Variants in ZBTB8B observed in about 807,000 individuals in gnomAD.
ZBTB8B encodes the protein zinc finger and BTB domain containing 8B.
Under a neutral mutation model 30.3 loss-of-function variants are expected in ZBTB8B, and 17 were observed. The observed-to-expected ratio is 0.56, with a 90% CI of 0.38 to 0.84. The LOEUF is 0.84. ZBTB8B is among the 40% of genes least tolerant of loss of function. ZBTB8B has a pLI of 0.00. For missense variants in ZBTB8B, 515 were observed against 644.9 expected, an observed-to-expected ratio of 0.80 and a Z score of 2.18; for synonymous variants, 248 against 255.6, an observed-to-expected ratio of 0.97 and a Z score of 0.28.
intron 2 of ZBTB8B, among the ~76,000 whole-genome samples, chr1:32,474,472 C>G (rs1052280436): frequency 7.5e-5 from 11 of 146,398 alleles, no homozygotes; most frequent in Non-Finnish European, 1.6e-4. Flanking sequence ...CCTGGGAGGT[C>G]GAGGCTGCGG....
In ZBTB8B at chr1:32,470,661, G is replaced by C; in HGVS notation, c.37G>C (p.Glu13Gln). ...MQSYYAKLLG[E>Q]LNEQRKRDFF... ...ATCCTATTATGCCAAGCTTTTGGGGGAGCTGAATGAACAGAGAAAGAGGGA... is the reference window on the plus strand; with the variant it reads ...ATCCTATTATGCCAAGCTTTTGGGGCAGCTGAATGAACAGAGAAAGAGGGA... Residue 13 changes from glutamate (E) to glutamine (Q), a missense_variant, in exon 2 of 4, where the codon GAG becomes CAG. Around this residue, in one of 3 missense-constraint regions of ZBTB8B, gnomAD observed 25 missense variants for 22.9 expected, o/e 1.09. Coordinates refer to ENST00000609129, the MANE Select transcript of ZBTB8B (RefSeq NM_001145720.2). 1 of 1,551,596 alleles carries C rather than the reference G, an allele frequency of 6.4e-7. No individual in the cohort carries two copies. The highest frequency in any genetic ancestry group is 8.7e-7 in the Non-Finnish European group (1 of 1,146,962).
chr1:32,473,671 C>T (rs1232793923), intron 2 of ZBTB8B, among the ~76,000 whole-genome samples: 1 of 151,940 alleles, frequency 6.6e-6, no homozygotes, highest in Non-Finnish European at 1.5e-5. Context: ...CACCACCACA[C>T]CCAGCTAATT....
At chr1:32,480,781 C>G (rs928801171) in intron 2 of ZBTB8B, 110 bp from the exon 3 acceptor site, 7 of 1,081,650 alleles carry the variant, frequency 6.5e-6, no homozygotes, top group East Asian at 2.7e-5. Context: ...GTGTCCTCCT[C>G]TTCTATCTGG....
At chr1:32,466,809 A>G (rs959955771) in intron 1 of ZBTB8B, among the ~76,000 whole-genome samples, 10 of 152,136 alleles carry the variant, frequency 6.6e-5, no homozygotes, top group African/African-American at 1.9e-4. Context: ...ACTACAAGTT[A>G]AGAAGTGTTG....
rs190007725 is a variant in ZBTB8B, at chr1:32,492,102, G to T, written c.*6684G>T. 62 of 152,272 alleles carry T rather than the reference G, an allele frequency of 4.1e-4. No homozygotes were observed. The highest frequency in any genetic ancestry group is 1.4e-3 in the African/African-American group (58 of 41,556). 9.4% of individuals were successfully genotyped at this position (152,272 alleles called of 1,614,324 possible). A position where few individuals can be genotyped will look rare whatever the true frequency, so the allele number is the denominator to read the frequency against. On this transcript the variant is annotated 3_prime_UTR_variant, in exon 4 of 4. Transcript: ENST00000609129. ...AAATTTTGGTAAGGTGTGTGTAAGA[G>T]TTGGCTTAACAGTCAAAATGATCCT...
intron 2 of ZBTB8B, among the ~76,000 whole-genome samples, chr1:32,472,773 C>T (rs1308298714): frequency 3.9e-5 from 6 of 152,302 alleles, no homozygotes; most frequent in African/African-American, 7.2e-5. Context: ...CATACCGCCA[C>T]GCCCAGCTAG....
At chr1:32,471,875 A>T (rs1338484127) in intron 2 of ZBTB8B, among the ~76,000 whole-genome samples, 1 of 151,710 alleles carries the variant, frequency 6.6e-6, no homozygotes, top group Non-Finnish European at 1.5e-5. Context: ...CTCCAGTATC[A>T]CCATCATCAG....
rs948048878 is a variant in ZBTB8B, at chr1:32,469,175, C to T, written c.-41-1409C>T. Reference sequence around the variant, plus strand: ...CACACCATTTGCACTCTGGCTTGGGCGACAGACCCAAGACCCTTCCTCTAA... The same window carrying T: ...CACACCATTTGCACTCTGGCTTGGGTGACAGACCCAAGACCCTTCCTCTAA... On this transcript the variant is annotated intron_variant, in intron 1 of 3. Coordinates refer to ENST00000609129, the MANE Select transcript of ZBTB8B (RefSeq NM_001145720.2). 9.2e-5 allele frequency among the ~76,000 whole-genome samples: 14 copies of T among 151,414 alleles called. No homozygotes were observed. The South Asian group carries it at 1.3e-3, about 14-fold the overall frequency.
intron 1 of ZBTB8B, among the ~76,000 whole-genome samples, chr1:32,469,668 A>G (rs1330502233): frequency 6.6e-6 from 1 of 152,344 alleles, no homozygotes; most frequent in East Asian, 1.9e-4. Flanking sequence ...TTTGAGTCCC[A>G]GATCTGTTAC....
At chr1:32,473,305 C>CAA (rs1202557658) in intron 2 of ZBTB8B, among the ~76,000 whole-genome samples, 25 of 119,750 alleles carry the variant, frequency 2.1e-4, no homozygotes, top group African/African-American at 7.5e-4. Flanking sequence ...GACTACTTCT[C>CAA]AAAAAAAAAA....
intron 2 of ZBTB8B, among the ~76,000 whole-genome samples, chr1:32,472,605 TTTGA>T (rs140028395): frequency 5.2e-4 from 79 of 151,860 alleles, no homozygotes; most frequent in African/African-American, 7.5e-4. Flanking sequence ...CTTGAGACTA[TTTGA>T]TTGATTGATT....
At chr1:32,467,581 G>C (rs1262408992) in intron 1 of ZBTB8B, among the ~76,000 whole-genome samples, 1 of 152,068 alleles carries the variant, frequency 6.6e-6, no homozygotes. Context: ...TTGGTTTATA[G>C]TTTATCTACT....
rs979572879 is a variant in ZBTB8B, at chr1:32,483,220, G to A, written c.1171-1881G>A. Among the ~76,000 whole-genome samples, 139 of 109,510 alleles carry A rather than the reference G, an allele frequency of 1.3e-3. 1 individual carries two copies. Among genetic ancestry groups the A allele is most frequent in the Non-Finnish European group, 1.8e-3 (107 of 59,040 alleles). 71.8% of individuals were successfully genotyped at this position (109,510 alleles called of 152,430 possible). ...TTGAGGTCAGCCTGGCCAGTGTGGC[G>A]AAACCCCTTATCTACTAAAAATCCA... On this transcript the variant is annotated intron_variant, in intron 3 of 3. Transcript: ENST00000609129.
In ZBTB8B at chr1:32,494,277, T is replaced by G. The variant is rs542031828; in HGVS notation, c.*8859T>G. The G allele has an allele frequency of 6.7e-6, 1 of 149,258 alleles. No homozygotes were observed. Among genetic ancestry groups the G allele is most frequent in the South Asian group, 2.1e-4 (1 of 4,740 alleles). 9.2% of individuals were successfully genotyped at this position (149,258 alleles called of 1,614,324 possible). A position where few individuals can be genotyped will look rare whatever the true frequency, so the allele number is the denominator to read the frequency against. On this transcript the variant is annotated 3_prime_UTR_variant, in exon 4 of 4. Transcript: ENST00000609129. ...TGAAAGTTAGAAGGGACAGGAGAGA[T>G]AGTCTAGTCCAACTCCATGTGACAG...
Position 32,485,303 on chromosome 1 carries a change from A to G in ZBTB8B, c.1373A>G (p.Asp458Gly). The change falls in exon 4 of 4, where the codon GAC becomes GGC. Residue 458 changes from aspartate (D) to glycine (G), a missense_variant. Physicochemically the swap from Asp to Gly is moderately conservative, Grantham distance 94 (BLOSUM62 -1). Around this residue, in one of 3 missense-constraint regions of ZBTB8B, gnomAD observed 429 missense variants for 504.3 expected, o/e 0.85. Coordinates refer to ENST00000609129, the MANE Select transcript of ZBTB8B (RefSeq NM_001145720.2). ...GAAAGCCAAGAAAAGAGCGACACAG[A>G]CAATGACTGGCCAATCTATGTGGAG... ...SSESQEKSDT[D>G]NDWPIYVESG... 6.4e-7 allele frequency: 1 copy of G among 1,552,348 alleles called. No homozygotes were observed. Among genetic ancestry groups the G allele is most frequent in the Non-Finnish European group, 8.7e-7 (1 of 1,147,144 alleles).
rs796143888 is a variant in ZBTB8B at position 32,488,310 on chromosome 1, A to C, written c.*2892A>C. 7.2e-5 allele frequency: 11 copies of C among 152,366 alleles called. No individual in the cohort carries two copies. The highest frequency in any genetic ancestry group is 2.4e-4 in the African/African-American group (10 of 41,600). The allele number at this position is 152,366 out of a possible 1,614,324, so 9.4% of individuals were successfully genotyped here. A position where few individuals can be genotyped will look rare whatever the true frequency, so the allele number is the denominator to read the frequency against. On this transcript the variant is annotated 3_prime_UTR_variant, in exon 4 of 4. Coordinates refer to ENST00000609129, the MANE Select transcript of ZBTB8B (RefSeq NM_001145720.2). ...AAAAAGGAAACCTAAATGGATGTGT[A>C]GAAGATTTACTTGGCCAGGAACAGT...
Position 32,491,055 on chromosome 1 carries a change from G to T in ZBTB8B, c.*5637G>T, listed in dbSNP as rs1643777059. 1 of 152,240 alleles carries T rather than the reference G, an allele frequency of 6.6e-6. No individual in the cohort carries two copies. Among genetic ancestry groups the T allele is most frequent in the South Asian group, 2.1e-4 (1 of 4,808 alleles). The allele number at this position is 152,240 out of a possible 1,614,324, so 9.4% of individuals were successfully genotyped here. ...ATTGACAATTGTGGTTTTAGGGGGG[G>T]CAATTTTTATATCCATCATTTGATT... is the stretch of plus-strand genomic sequence containing the variant. On this transcript the variant is annotated 3_prime_UTR_variant, in exon 4 of 4. Transcript: ENST00000609129.
chr1:32,483,253 A>C (rs1304669943), intron 3 of ZBTB8B, among the ~76,000 whole-genome samples: 4 of 140,946 alleles, frequency 2.8e-5, no homozygotes, highest in South Asian at 2.3e-4. Context: ...CCAAAAAAAA[A>C]AAAAAAAAAA....
At chr1:32,485,018 G>C in intron 3 of ZBTB8B, 83 bp from the exon 4 acceptor site, 2 of 1,362,192 alleles carry the variant, frequency 1.5e-6, no homozygotes, top group African/African-American at 2.9e-5. Context: ...GGAGGATCAG[G>C]CAGGGGCCAG....
Sources: allele counts gnomAD v4.1 joint callset (sites outside exome capture counted in the v4.1 genomes callset), GRCh38; gene constraint gnomAD v4.1.1; regional missense constraint gnomAD v4.1.1; transcripts MANE v1.5; gene names NCBI Gene and HGNC (gene_info 2026-07-23, HGNC 2026-07-21).